The following KMT2E variants were observed in gnomAD, a reference collection of about 807,000 sequenced individuals.
The protein encoded by KMT2E is lysine methyltransferase 2E (inactive).
KMT2E carries 30 observed loss-of-function variants against 184.6 expected under a neutral mutation model. The ratio of observed to expected loss-of-function variants is 0.16; its 90% CI spans 0.12 to 0.22. KMT2E has a LOEUF of 0.22. Ranked by LOEUF, KMT2E falls within the 10% of genes least tolerant of loss-of-function variation. The pLI is 1.00. For synonymous variants in KMT2E, 815 were observed against 776.5 expected (o/e 1.05, Z -0.82); for missense variants, 2,023 against 2,237.4 (o/e 0.90, Z 1.93).
intron 17 of KMT2E, chr7:105,104,315 A>G (rs1798798014): frequency 6.6e-6 from 1 of 152,216 alleles, no homozygotes; most frequent in Admixed American, 6.5e-5. Context: ...ATGACTATGA[A>G]AAATTTCAAA....
In KMT2E at chr7:105,107,348, T is replaced by A. The variant is rs201147710; in HGVS notation, c.2905-14T>A. ...TGATTATTTGTGTAATTTTTTTTTT[T>A]AATTTGTAAACAGGGATATGACAGA... On this transcript the variant is annotated splice_polypyrimidine_tract_variant and intron_variant, in intron 21 of 26. Coordinates refer to ENST00000311117, the MANE Select transcript of KMT2E (RefSeq NM_182931.3). 5.2e-5 allele frequency: 80 copies of A among 1,547,066 alleles called. No individual in the cohort carries two copies. The highest frequency in any genetic ancestry group is 3.9e-4 in the Admixed American group (18 of 46,072).
chr7:105,058,174 G>A (rs1175387491), intron 3 of KMT2E, among the ~76,000 whole-genome samples: 2 of 152,206 alleles, frequency 1.3e-5, no homozygotes, highest in South Asian at 4.1e-4. Context: ...TGATAAACTG[G>A]TATTTGGATT....
intron 6 of KMT2E, among the ~76,000 whole-genome samples, chr7:105,072,045 C>G (rs1485461797): frequency 1.3e-5 from 2 of 151,934 alleles, no homozygotes; most frequent in Non-Finnish European, 2.9e-5. Context: ...GGCGCGGTGG[C>G]TCACACCTGT....
At chr7:105,106,467 G>T in intron 19 of KMT2E, 55 bp from the exon 20 acceptor site, 1 of 1,474,432 alleles carries the variant, frequency 6.8e-7, no homozygotes, top group Non-Finnish European at 9.5e-7. Flanking sequence ...GACACAAACA[G>T]ATTTTAACAA....
At chr7:105,033,055 G>T (rs1795491867) in intron 1 of KMT2E, among the ~76,000 whole-genome samples, 1 of 152,162 alleles carries the variant, frequency 6.6e-6, no homozygotes, top group Non-Finnish European at 1.5e-5. Context: ...CACAGATGTA[G>T]CAAACATGAA....
intron 3 of KMT2E, among the ~76,000 whole-genome samples, chr7:105,059,989 T>TTTTTG (rs1562898242): frequency 4.6e-5 from 3 of 65,774 alleles, no homozygotes; most frequent in African/African-American, 3.5e-4. Flanking sequence ...TTTTTTTTTT[T>TTTTTG]TTTTTTTTTT....
At chr7:105,018,569 A>G (rs1237009445) in intron 1 of KMT2E, among the ~76,000 whole-genome samples, 1 of 152,178 alleles carries the variant, frequency 6.6e-6, no homozygotes, top group African/African-American at 2.4e-5. Context: ...GTTTCCCCCA[A>G]TTTCATGATA....
chr7:105,113,499 A>G lies in KMT2E; in HGVS notation c.*166A>G. On this transcript the variant is annotated 3_prime_UTR_variant, in exon 27 of 27. Transcript: ENST00000311117. ...TTTTTGCTTTTTAAAATTCCTTTAA[A>G]AAATGTGCTGTTAAGCCAGTATTAG... 1 of 759,778 alleles carries G rather than the reference A, an allele frequency of 1.3e-6. No individual in the cohort carries two copies. Among genetic ancestry groups the G allele is most frequent in the Non-Finnish European group, 2.0e-6 (1 of 501,368 alleles). The allele number at this position is 759,778 out of a possible 1,614,324, so 47.1% of individuals were successfully genotyped here. A position where few individuals can be genotyped will look rare whatever the true frequency, so the allele number is the denominator to read the frequency against.
chr7:105,041,089 G>A (rs1795858259), intron 3 of KMT2E, 66 bp downstream of exon 3: 2 of 956,126 alleles, frequency 2.1e-6, no homozygotes, highest in Non-Finnish European at 1.6e-6. Flanking sequence ...TAGAAAGTAG[G>A]AAGAAGTATA....
chr7:105,090,753 A>G (rs1225668807), intron 14 of KMT2E, among the ~76,000 whole-genome samples: 2 of 152,164 alleles, frequency 1.3e-5, no homozygotes, highest in African/African-American at 4.8e-5. Flanking sequence ...CCACCAGTAA[A>G]TATATTGTTA....
chr7:105,019,401 T>C (rs1166748575), intron 1 of KMT2E, among the ~76,000 whole-genome samples: 1 of 152,230 alleles, frequency 6.6e-6, no homozygotes, highest in Non-Finnish European at 1.5e-5. Flanking sequence ...TTTACAGTTT[T>C]ATTGGAAATC....
rs1796842836 is a variant in KMT2E, at chr7:105,062,203, A to G, written c.111A>G (p.Lys37=). The change falls in exon 4 of 27, where the codon AAA becomes AAG. Residue 37 remains lysine, a synonymous_variant. Coordinates refer to ENST00000311117, the MANE Select transcript of KMT2E (RefSeq NM_182931.3). ...SVEASPVVVE[K]SNSYPHQLYT... is the part of the protein sequence containing the mutation. ...AAGCTAGCCCTGTGGTAGTTGAGAA[A>G]TCCAACAGTTATCCCCACCAGTTAT... The G allele has an allele frequency of 6.2e-7, 1 of 1,613,732 alleles. No homozygotes were observed. Among genetic ancestry groups the G allele is most frequent in the Non-Finnish European group, 8.5e-7 (1 of 1,179,752 alleles).
intron 3 of KMT2E, among the ~76,000 whole-genome samples, chr7:105,061,715 A>G (rs1004726590): frequency 1.3e-5 from 2 of 152,100 alleles, no homozygotes; most frequent in African/African-American, 2.4e-5. Flanking sequence ...CCAAGGCTTT[A>G]TTATATTAAT....
intron 3 of KMT2E, among the ~76,000 whole-genome samples, chr7:105,050,885 C>G (rs1403821908): frequency 1.3e-5 from 2 of 151,504 alleles, no homozygotes; most frequent in Non-Finnish European, 2.9e-5. Flanking sequence ...GGCCACCAAG[C>G]CTGGCTAATT....
At chr7:105,062,085 T>G (rs1337545643) in intron 3 of KMT2E, 79 bp from the exon 4 acceptor site, 2 of 894,544 alleles carry the variant, frequency 2.2e-6, no homozygotes, top group Non-Finnish European at 3.7e-6. Flanking sequence ...TTGCTGTAAG[T>G]ACTTTATCAT....
At chr7:105,082,901 T>C (rs1186510580) in intron 13 of KMT2E, among the ~76,000 whole-genome samples, 1 of 152,192 alleles carries the variant, frequency 6.6e-6, no homozygotes, top group African/African-American at 2.4e-5. Context: ...TGGCACTGCT[T>C]TTTCTACATC....
intron 3 of KMT2E, among the ~76,000 whole-genome samples, chr7:105,048,809 A>G (rs1340016080): frequency 5.9e-5 from 9 of 152,244 alleles, no homozygotes; most frequent in African/African-American, 9.6e-5. Flanking sequence ...CACTTTGTCT[A>G]CAGAATCAGG....
intron 6 of KMT2E, among the ~76,000 whole-genome samples, chr7:105,069,135 G>A (rs913682826): frequency 6.6e-6 from 1 of 152,152 alleles, no homozygotes. Flanking sequence ...TTCAAGACCA[G>A]AATTGGAGAG....
In KMT2E at chr7:105,114,148, T is replaced by C. The variant is rs1799485956; in HGVS notation, c.*815T>C. 6.6e-6 allele frequency: 1 copy of C among 152,412 alleles called. No individual in the cohort carries two copies. Among genetic ancestry groups the C allele is most frequent in the South Asian group, 2.1e-4 (1 of 4,832 alleles). 9.4% of individuals were successfully genotyped at this position (152,412 alleles called of 1,614,324 possible). A position where few individuals can be genotyped will look rare whatever the true frequency, so the allele number is the denominator to read the frequency against. On this transcript the variant is annotated 3_prime_UTR_variant, in exon 27 of 27. Coordinates refer to ENST00000311117, the MANE Select transcript of KMT2E (RefSeq NM_182931.3). ...TGTGTTTCTACAGAAGTTCTAGTTT[T>C]CAAATATAGATTGTAAGGAGCCTTC... is the stretch of plus-strand genomic sequence containing the variant.
Sources: gnomAD v4.1 joint callset for allele counts (sites outside exome capture counted in the v4.1 genomes callset) on GRCh38, gnomAD v4.1.1 for gene constraint, MANE v1.5 for transcripts, NCBI Gene and HGNC (gene_info 2026-07-23, HGNC 2026-07-21) for gene names.